XKR6: variants seen among roughly 807,000 people sequenced by gnomAD.
The protein encoded by XKR6 is XK-related protein 6.
Under a neutral mutation model 56.7 loss-of-function variants are expected in XKR6, and 22 were observed. The ratio of observed to expected loss-of-function variants is 0.39; its 90% CI spans 0.28 to 0.55. XKR6 has a LOEUF of 0.55. XKR6 is among the 20% of genes least tolerant of loss of function. The pLI, the probability that XKR6 is intolerant of heterozygous loss-of-function variation, is 0.66. For synonymous variants in XKR6, 524 were observed against 387.8 expected, an observed-to-expected ratio of 1.35 and a Z score of -4.13; for missense variants, 852 against 889.0, an observed-to-expected ratio of 0.96 and a Z score of 0.53.
intron 1 of XKR6, among the ~76,000 whole-genome samples, chr8:11,080,315 T>C (rs567640576): frequency 6.6e-6 from 1 of 152,034 alleles, no homozygotes; most frequent in Non-Finnish European, 1.5e-5. Flanking sequence ...CTATAGCCTA[T>C]GCCAAATCAG....
chr8:11,112,471 T>C (rs941101192), intron 1 of XKR6, among the ~76,000 whole-genome samples: 1 of 151,982 alleles, frequency 6.6e-6, no homozygotes, highest in African/African-American at 2.4e-5. Flanking sequence ...AGTAAAAACA[T>C]CAGTATTATT....
At chr8:11,033,390 G>C (rs1799050244) in intron 1 of XKR6, among the ~76,000 whole-genome samples, 1 of 150,896 alleles carries the variant, frequency 6.6e-6, no homozygotes, top group South Asian at 2.1e-4. Context: ...TGGTGATGAT[G>C]ATGATGACGA....
chr8:11,000,512 C>G (rs778192176), intron 1 of XKR6, among the ~76,000 whole-genome samples: 1 of 152,004 alleles, frequency 6.6e-6, no homozygotes, highest in African/African-American at 2.4e-5. Context: ...ATGGTGAAAC[C>G]CCCGTCTACT....
At chr8:11,181,771 C>A (rs1461574750) in intron 1 of XKR6, among the ~76,000 whole-genome samples, 1 of 152,202 alleles carries the variant, frequency 6.6e-6, no homozygotes, top group Non-Finnish European at 1.5e-5. Flanking sequence ...GCATCAAGCA[C>A]TATTCTGAGA....
chr8:11,073,548 C>A (rs1348894387), intron 1 of XKR6, among the ~76,000 whole-genome samples: 1 of 152,200 alleles, frequency 6.6e-6, no homozygotes, highest in African/African-American at 2.4e-5. Flanking sequence ...CAGATTTAGT[C>A]TTTCGCTGTA....
chr8:11,139,930 T>C (rs942501179), intron 1 of XKR6, among the ~76,000 whole-genome samples: 1 of 152,040 alleles, frequency 6.6e-6, no homozygotes, highest in Non-Finnish European at 1.5e-5. Flanking sequence ...AGCTAAAGTA[T>C]GTGAAAATGA....
At chr8:11,035,905 T>C (rs1354265730) in intron 1 of XKR6, among the ~76,000 whole-genome samples, 1 of 151,676 alleles carries the variant, frequency 6.6e-6, no homozygotes, top group Non-Finnish European at 1.5e-5. Flanking sequence ...ACCAGATGCA[T>C]GTGAGAAATC....
chr8:11,134,850 A>T (rs1258738213), intron 1 of XKR6, among the ~76,000 whole-genome samples: 1 of 152,128 alleles, frequency 6.6e-6, no homozygotes, highest in Non-Finnish European at 1.5e-5. Flanking sequence ...TCAACTAATT[A>T]AACTACAGTA....
chr8:11,073,115 G>A (rs1800176695), intron 1 of XKR6, among the ~76,000 whole-genome samples: 2 of 152,102 alleles, frequency 1.3e-5, no homozygotes, highest in Non-Finnish European at 2.9e-5. Context: ...TCAGACTTAG[G>A]GTCCTGTCTA....
intron 1 of XKR6, chr8:11,104,760 G>A (rs1798613980): frequency 1.3e-5 from 2 of 152,314 alleles, no homozygotes; most frequent in African/African-American, 4.8e-5. Flanking sequence ...AGGTTGAAAA[G>A]TTATCCACAT....
chr8:10,985,704 T>G (rs547644363), intron 1 of XKR6, among the ~76,000 whole-genome samples: 58 of 152,264 alleles, frequency 3.8e-4, no homozygotes, highest in African/African-American at 1.3e-3. Flanking sequence ...GATCATGAAT[T>G]GTAACCACTA....
chr8:11,131,257 G>A (rs1473717306), intron 1 of XKR6, among the ~76,000 whole-genome samples: 2 of 152,008 alleles, frequency 1.3e-5, no homozygotes, highest in Non-Finnish European at 2.9e-5. Context: ...TGATTCAACT[G>A]TATCCTATTT....
intron 1 of XKR6, among the ~76,000 whole-genome samples, chr8:10,982,407 C>T (rs1180477698): frequency 1.3e-5 from 2 of 152,318 alleles, no homozygotes; most frequent in South Asian, 2.1e-4. Context: ...GCTCTCTGGG[C>T]TTCAGGTCCC....
intron 1 of XKR6, among the ~76,000 whole-genome samples, chr8:11,099,346 G>A (rs146679181): frequency 6.6e-6 from 1 of 152,342 alleles, no homozygotes; most frequent in East Asian, 1.9e-4. Context: ...TTAAATGGCT[G>A]AATCTACTAA....
chr8:11,156,427 G>A (rs1801522256), intron 1 of XKR6, among the ~76,000 whole-genome samples: 1 of 152,158 alleles, frequency 6.6e-6, no homozygotes, highest in African/African-American at 2.4e-5. Context: ...CTCTTCAGCT[G>A]GGCTGAATTC....
intron 1 of XKR6, among the ~76,000 whole-genome samples, chr8:11,176,110 G>A (rs963218159): frequency 6.6e-6 from 1 of 152,112 alleles, no homozygotes; most frequent in African/African-American, 2.4e-5. Flanking sequence ...TTTCCAAAAT[G>A]ACATGATCAT....
At chr8:11,184,033 C>T (rs2117099099) in intron 1 of XKR6, among the ~76,000 whole-genome samples, 1 of 152,190 alleles carries the variant, frequency 6.6e-6, no homozygotes, top group African/African-American at 2.4e-5. Flanking sequence ...ATAATATAAG[C>T]AAATATAACG....
chr8:11,082,413 T>C (rs1483778876), intron 1 of XKR6, among the ~76,000 whole-genome samples: 1 of 152,184 alleles, frequency 6.6e-6, no homozygotes, highest in East Asian at 1.9e-4. Flanking sequence ...ATATCTCTAT[T>C]CTCCTCTCCA....
chr8:10,978,033 C>T (rs1474028500), intron 1 of XKR6, among the ~76,000 whole-genome samples: 1 of 152,034 alleles, frequency 6.6e-6, no homozygotes, highest in Non-Finnish European at 1.5e-5. Context: ...GTGGGTCTGC[C>T]TTATTTAGCC....
Sources: gnomAD v4.1 joint callset for allele counts (sites outside exome capture counted in the v4.1 genomes callset) on GRCh38, gnomAD v4.1.1 for gene constraint, MANE v1.5 for transcripts, NCBI Gene and HGNC (gene_info 2026-07-23, HGNC 2026-07-21) for gene names.